ATP10B: variants seen among roughly 807,000 people sequenced by gnomAD.
The protein encoded by ATP10B is ATPase phospholipid transporting 10B (putative).
In ATP10B, 122 loss-of-function variants were observed where a neutral mutation model predicts 141.2. The observed-to-expected ratio is 0.86, with a 90% CI of 0.75 to 1.00. The LOEUF is 1.00. Among genes scored for constraint, ATP10B ranks in the 50% least tolerant of loss-of-function variants. The pLI, the probability that ATP10B is intolerant of heterozygous loss-of-function variation, is 0.00. For missense variants in ATP10B, 1,876 were observed against 1,825.3 expected, an observed-to-expected ratio of 1.03 and a Z score of -0.51; for synonymous variants, 685 against 692.0, an observed-to-expected ratio of 0.99 and a Z score of 0.16.
the ATP10B span, among the ~76,000 whole-genome samples, chr5:160,906,324 A>T: frequency 6.7e-6 from 1 of 148,188 alleles, no homozygotes; most frequent in Non-Finnish European, 1.5e-5. Context: ...AGCCTCTGGG[A>T]AAAAAAAAAC....
chr5:160,609,104 T>C (rs1757566730), intron 18 of ATP10B, among the ~76,000 whole-genome samples: 1 of 152,198 alleles, frequency 6.6e-6, no homozygotes. Flanking sequence ...GAATTAATAT[T>C]ATCAATTTTA....
intron 1 of ATP10B, among the ~76,000 whole-genome samples, chr5:160,802,609 A>C (rs531758735): frequency 1.6e-4 from 25 of 152,348 alleles, no homozygotes; most frequent in African/African-American, 5.8e-4. Context: ...CAAGTTCAAA[A>C]TGCATGGTAA....
In ATP10B at chr5:160,617,990, T is replaced by C. The variant is rs771473845; in HGVS notation, c.2417-17A>G. 76 of 1,597,896 alleles carry C rather than the reference T, an allele frequency of 4.8e-5. No homozygotes were observed. The highest frequency in any genetic ancestry group is 6.2e-5 in the Non-Finnish European group (72 of 1,165,428). ...TGTCAGGTACTGTCAAATAGCCATTTTCCCGCATGAGGCCACATACAAATG... is the reference window on the plus strand; with the variant it reads ...TGTCAGGTACTGTCAAATAGCCATTCTCCCGCATGAGGCCACATACAAATG... On this transcript the variant is annotated splice_polypyrimidine_tract_variant and intron_variant, in intron 15 of 25. Transcript: ENST00000327245.
intron 12 of ATP10B, 72 bp downstream of exon 12, chr5:160,634,282 T>C (rs1759178009): frequency 6.2e-7 from 1 of 1,607,068 alleles, no homozygotes; most frequent in Non-Finnish European, 8.5e-7. Context: ...ATGTCTTTTA[T>C]CTCCTCGTTT....
In ATP10B at chr5:160,806,331, T is replaced by C. The variant is rs192601465; in HGVS notation, c.-575-20528A>G. ...CTGACCCAGATAAAGGTCAACTGTG[T>C]TCCTGACACAGATCAAGGTAAGCAG... On this transcript the variant is annotated intron_variant, in intron 1 of 25. Transcript: ENST00000327245. Among the ~76,000 whole-genome samples, 3 of 152,344 alleles carry C rather than the reference T, an allele frequency of 2.0e-5. No individual in the cohort carries two copies. The East Asian group carries it at 5.8e-4, about 29-fold the overall frequency.
At chr5:160,881,535 G>A in the ATP10B span, among the ~76,000 whole-genome samples, 54 of 152,256 alleles carry the variant, frequency 3.5e-4, no homozygotes, top group Admixed American at 1.0e-3. Context: ...AATTTCGGCC[G>A]GGCGTGGTGG....
chr5:160,884,732 A>T, the ATP10B span, among the ~76,000 whole-genome samples: 2 of 152,180 alleles, frequency 1.3e-5, no homozygotes, highest in African/African-American at 4.8e-5. Context: ...TGAAAAGTTA[A>T]TTTAAAGAAA....
chr5:160,730,309 C>CG (rs1161844731), intron 2 of ATP10B, among the ~76,000 whole-genome samples: 1 of 152,128 alleles, frequency 6.6e-6, no homozygotes, highest in Non-Finnish European at 1.5e-5. Flanking sequence ...TCTCAACTTT[C>CG]ATACCTGCTA....
chr5:160,718,420 T>C (rs1765783298), intron 2 of ATP10B, among the ~76,000 whole-genome samples: 1 of 152,200 alleles, frequency 6.6e-6, no homozygotes, highest in African/African-American at 2.4e-5. Context: ...GCATTCTCCT[T>C]GTCTTAGTCC....
Position 160,829,728 on chromosome 5 carries a change from C to CA in ATP10B, c.-576+22212dup, listed in dbSNP as rs376156498. Among the ~76,000 whole-genome samples the CA allele has an allele frequency of 2.5e-3, 384 of 152,128 alleles. 1 individual carries two copies. Among genetic ancestry groups the CA allele is most frequent in the Non-Finnish European group, 4.0e-3 (273 of 67,954 alleles). ...CACTTTTTTTGTGGTATTTTAAATG[C>CA]AATCATATTCTTCGACTCTTAGCCT... On this transcript the variant is annotated intron_variant, in intron 1 of 25. Coordinates refer to ENST00000327245, the MANE Select transcript of ATP10B (RefSeq NM_025153.3).
chr5:160,821,277 AAAT>A (rs1429133178), intron 1 of ATP10B, among the ~76,000 whole-genome samples: 2 of 151,914 alleles, frequency 1.3e-5, no homozygotes, highest in Non-Finnish European at 2.9e-5. Context: ...GCTAGAAATA[AAAT>A]AAAATATCTA....
chr5:160,610,031 A>G (rs143470138), intron 18 of ATP10B, among the ~76,000 whole-genome samples: 29 of 152,266 alleles, frequency 1.9e-4, no homozygotes, highest in Non-Finnish European at 3.7e-4. Flanking sequence ...TACCTCCTAT[A>G]CTGTGGTAGG....
intron 1 of ATP10B, among the ~76,000 whole-genome samples, chr5:160,794,516 AG>A (rs774294952): frequency 3.3e-5 from 5 of 152,168 alleles, no homozygotes; most frequent in Non-Finnish European, 7.4e-5. Context: ...AGAAGATAGA[AG>A]TTCTTTGATT....
At chr5:160,743,181 A>G (rs1767590449) in intron 2 of ATP10B, among the ~76,000 whole-genome samples, 1 of 152,166 alleles carries the variant, frequency 6.6e-6, no homozygotes, top group African/African-American at 2.4e-5. Flanking sequence ...GAACTTGCCC[A>G]CAATCCTGAA....
intron 16 of ATP10B, among the ~76,000 whole-genome samples, chr5:160,617,497 G>GA (rs1202962184): frequency 2.0e-5 from 3 of 152,226 alleles, no homozygotes; most frequent in Admixed American, 2.0e-4. Flanking sequence ...AAAGAAACCG[G>GA]AAATCTAGAT....
At chr5:160,630,475 G>C (rs6892689) in intron 13 of ATP10B, among the ~76,000 whole-genome samples, 125,667 of 152,204 alleles carry the variant, frequency 0.83, 52,041 homozygotes, top group Middle Eastern at 0.85. Context: ...TTTTTCTCCC[G>C]CTCATTTTCT....
the ATP10B span, among the ~76,000 whole-genome samples, chr5:160,863,049 T>C: frequency 6.6e-6 from 1 of 151,996 alleles, no homozygotes; most frequent in Non-Finnish European, 1.5e-5. Context: ...TGAGATGATA[T>C]TTGATAAAGT....
chr5:160,634,242 T>C (rs954822429), intron 12 of ATP10B, 112 bp downstream of exon 12: 4 of 1,496,558 alleles, frequency 2.7e-6, no homozygotes, highest in Admixed American at 1.7e-5. Context: ...CTTGTGGAAA[T>C]GCCACACAGC....
chr5:160,575,347 C>A (rs62391599), intron 24 of ATP10B, among the ~76,000 whole-genome samples: 12,420 of 152,008 alleles, frequency 0.082, 698 homozygotes, highest in East Asian at 0.27. Context: ...CTCCTTTAAT[C>A]TGGGCTATTT....
Sources: gnomAD v4.1 joint callset for allele counts (sites outside exome capture counted in the v4.1 genomes callset) on GRCh38, gnomAD v4.1.1 for gene constraint, MANE v1.5 for transcripts, NCBI Gene and HGNC (gene_info 2026-07-23, HGNC 2026-07-21) for gene names.